Variants in RIC3 observed in about 807,000 individuals in gnomAD.
RIC3 encodes the protein protein RIC-3.
RIC3 carries 28 observed loss-of-function variants against 27.3 expected under a neutral mutation model. That is an observed-to-expected ratio of 1.02 (90% CI 0.76 to 1.41). The LOEUF (loss-of-function observed/expected upper bound fraction) is 1.41. Among genes scored for constraint, RIC3 ranks in the 40% most tolerant of loss-of-function variants. The pLI is 0.00. For missense variants in RIC3, 501 were observed against 444.7 expected (o/e 1.13, Z -1.14); for synonymous variants, 184 against 160.4 (o/e 1.15, Z -1.11).
At chr11:8,123,323 T>C (rs900401001) in intron 5 of RIC3, among the ~76,000 whole-genome samples, 5 of 151,460 alleles carry the variant, frequency 3.3e-5, no homozygotes, top group African/African-American at 7.3e-5. Flanking sequence ...GCCAAAAATA[T>C]AGATCATGGG....
At chr11:8,103,037 TG>T (rs1179159680), downstream of RIC3, 2 of 152,294 alleles carry the variant, frequency 1.3e-5, no homozygotes, top group African/African-American at 4.8e-5. Context: ...GAAAGTTGTC[TG>T]GCTTTTTGCA....
chr11:8,138,544 C>G (rs1565050479), intron 2 of RIC3, 197 bp from the exon 3 acceptor site: 3 of 521,506 alleles, frequency 5.8e-6, no homozygotes, highest in Non-Finnish European at 1.0e-5. Flanking sequence ...TATCAAAGCA[C>G]AAGTGTAAAA....
chr11:8,166,277 C>T (rs1399000852), intron 1 of RIC3, among the ~76,000 whole-genome samples: 1 of 152,120 alleles, frequency 6.6e-6, no homozygotes, highest in Non-Finnish European at 1.5e-5. Flanking sequence ...ATGGAGTTCG[C>T]TCATTTTTTC....
chr11:8,096,818 A>T, the RIC3 span: 1 of 1,614,072 alleles, frequency 6.2e-7, no homozygotes, highest in Non-Finnish European at 8.5e-7. Flanking sequence ...TGAGTGAGTG[A>T]GTCTGCATCC....
At chr11:8,099,379 C>A in the RIC3 span, among the ~76,000 whole-genome samples, 26 of 152,244 alleles carry the variant, frequency 1.7e-4, no homozygotes, top group East Asian at 5.0e-3. Flanking sequence ...CCCCTTTGAA[C>A]CTTTTTCTTC....
At chr11:8,134,815 T>C (rs1948174201) in intron 4 of RIC3, among the ~76,000 whole-genome samples, 1 of 152,244 alleles carries the variant, frequency 6.6e-6, no homozygotes. Flanking sequence ...TGTCTGTTTA[T>C]ATCCTTTGCC....
chr11:8,166,635 T>C (rs1951719388), intron 1 of RIC3, among the ~76,000 whole-genome samples: 1 of 152,188 alleles, frequency 6.6e-6, no homozygotes, highest in Admixed American at 6.5e-5. Flanking sequence ...TTTGGAAGGC[T>C]GAGGCAGAAG....
chr11:8,138,077 G>A (rs1948616704), intron 3 of RIC3, among the ~76,000 whole-genome samples, 195 bp downstream of exon 3: 1 of 152,146 alleles, frequency 6.6e-6, no homozygotes, highest in African/African-American at 2.4e-5. Context: ...AAAGTGAACT[G>A]GTGGTTTTGT....
At chr11:8,162,797 C>G (rs1316208390) in intron 1 of RIC3, among the ~76,000 whole-genome samples, 1 of 151,752 alleles carries the variant, frequency 6.6e-6, no homozygotes, top group Non-Finnish European at 1.5e-5. Flanking sequence ...AGGCGTGCAC[C>G]ATCAGACTGG....
intron 4 of RIC3, among the ~76,000 whole-genome samples, chr11:8,127,085 C>T (rs1947080213): frequency 6.6e-6 from 1 of 152,168 alleles, no homozygotes; most frequent in Admixed American, 6.5e-5. Context: ...CCCCAGATGT[C>T]TCAGCTTTTA....
At chr11:8,129,840 C>T (rs1214894545) in intron 4 of RIC3, among the ~76,000 whole-genome samples, 1 of 152,172 alleles carries the variant, frequency 6.6e-6, no homozygotes, top group East Asian at 1.9e-4. Context: ...CTCTCACTCC[C>T]AGCCAATGAC....
chr11:8,156,474 G>C (rs2134199681), intron 1 of RIC3, among the ~76,000 whole-genome samples: 1 of 152,260 alleles, frequency 6.6e-6, no homozygotes, highest in South Asian at 2.1e-4. Context: ...AAAGCACCTA[G>C]CACATATAGT....
intron 4 of RIC3, among the ~76,000 whole-genome samples, chr11:8,130,768 G>C (rs1023518109): frequency 1.6e-4 from 7 of 43,260 alleles, no homozygotes; most frequent in African/African-American, 1.5e-3. Flanking sequence ...GTGTGTTGTG[G>C]GGGGGAGAGA....
intron 1 of RIC3, among the ~76,000 whole-genome samples, chr11:8,166,321 A>G (rs191598080): frequency 3.9e-5 from 6 of 152,214 alleles, no homozygotes; most frequent in Admixed American, 6.5e-5. Context: ...CTATGTGCAC[A>G]GTATGTGATA....
chr11:8,151,515 G>A (rs960464920), intron 1 of RIC3, among the ~76,000 whole-genome samples: 3 of 143,342 alleles, frequency 2.1e-5, no homozygotes, highest in Admixed American at 7.0e-5. Context: ...GAACCCGGGA[G>A]GCGGAGCTTG....
chr11:8,105,516 G>A, downstream of RIC3: 1 of 152,318 alleles, frequency 6.6e-6, no homozygotes, highest in Non-Finnish European at 1.5e-5. Flanking sequence ...TTCCAACCAA[G>A]TGGAAAGGCA....
downstream of RIC3, chr11:8,101,816 G>A (rs190992245): frequency 2.0e-4 from 168 of 861,350 alleles, no homozygotes; most frequent in East Asian, 2.4e-3. Flanking sequence ...AGTGGAGAGC[G>A]GGTGGGTGGG....
Position 8,126,706 on chromosome 11 carries a change from G to GA in RIC3, c.622dup (p.Ser208PhefsTer7). On this transcript the variant is annotated frameshift_variant, in exon 5 of 6. Coordinates refer to ENST00000309737, the MANE Select transcript of RIC3 (RefSeq NM_001206671.4). LOFTEE classifies it high-confidence loss of function. ...GGCCTCCTCAGCTTCTTTCTCTGGA[G>GA]AAAATCTGTCAATGAATTTTCCTTC... The GA allele has an allele frequency of 1.2e-6, 2 of 1,614,028 alleles. No homozygotes were observed. Among genetic ancestry groups the GA allele is most frequent in the Non-Finnish European group, 1.7e-6 (2 of 1,180,014 alleles).
intron 4 of RIC3, among the ~76,000 whole-genome samples, chr11:8,137,054 C>T (rs1033714589): frequency 5.3e-5 from 8 of 152,042 alleles, no homozygotes; most frequent in African/African-American, 1.7e-4. Context: ...GATAGAATTT[C>T]GCTCTCATTG....
Sources: gnomAD v4.1 joint callset for allele counts (sites outside exome capture counted in the v4.1 genomes callset) on GRCh38, gnomAD v4.1.1 for gene constraint, MANE v1.5 for transcripts, NCBI Gene and HGNC (gene_info 2026-07-23, HGNC 2026-07-21) for gene names.